SLC22A23: variants seen among roughly 807,000 people sequenced by gnomAD.
SLC22A23 encodes solute carrier family 22 member 23.
Under a neutral mutation model 61.0 loss-of-function variants are expected in SLC22A23, and 26 were observed. That is an observed-to-expected ratio of 0.43 (90% CI 0.31 to 0.59). SLC22A23 has a LOEUF of 0.59. Among genes scored for constraint, SLC22A23 ranks in the 20% least tolerant of loss-of-function variants. SLC22A23 has a pLI of 0.11. For synonymous variants in SLC22A23, 430 were observed against 413.9 expected, an observed-to-expected ratio of 1.04 and a Z score of -0.47; for missense variants, 796 against 934.7, an observed-to-expected ratio of 0.85 and a Z score of 1.94.
chr6:3,389,090 A>G (rs1482743739), intron 3 of SLC22A23, among the ~76,000 whole-genome samples: 1 of 151,878 alleles, frequency 6.6e-6, no homozygotes, highest in Non-Finnish European at 1.5e-5. Flanking sequence ...CAACATGGTG[A>G]AGCCCCATCT....
chr6:3,331,696 T>A (rs1430993738), intron 3 of SLC22A23, among the ~76,000 whole-genome samples: 1 of 152,256 alleles, frequency 6.6e-6, no homozygotes, highest in Non-Finnish European at 1.5e-5. Flanking sequence ...CAATCTCTTC[T>A]GTGTAAAAAC....
chr6:3,423,661 A>G (rs1770295191), intron 1 of SLC22A23, among the ~76,000 whole-genome samples: 1 of 152,244 alleles, frequency 6.6e-6, no homozygotes, highest in Admixed American at 6.5e-5. Flanking sequence ...AAAAGGGAGC[A>G]GCTATTAATG....
At chr6:3,396,979 C>A (rs1768051461) in intron 3 of SLC22A23, among the ~76,000 whole-genome samples, 1 of 152,202 alleles carries the variant, frequency 6.6e-6, no homozygotes, top group Non-Finnish European at 1.5e-5. Flanking sequence ...AGCTGCCTTC[C>A]GATGGCTAAA....
intron 3 of SLC22A23, among the ~76,000 whole-genome samples, chr6:3,393,988 A>T (rs548554399): frequency 6.6e-6 from 1 of 152,338 alleles, no homozygotes; most frequent in South Asian, 2.1e-4. Context: ...TCACAAGGTG[A>T]AAAGGAAAAA....
At position 3,297,488 on chromosome 6, in the gene SLC22A23, C is replaced by T. The variant is rs1167260152; in HGVS notation, c.1210+603G>A. ...CCCAAATCTAACAGGTCAGGATCTC[C>T]AGGTGCCAGGGAGAGGCCCAGGAAT... On this transcript the variant is annotated intron_variant, in intron 5 of 9. Coordinates refer to ENST00000406686, the MANE Select transcript of SLC22A23 (RefSeq NM_015482.2). The surrounding 1 kb of genome is among the most constrained non-coding windows in gnomAD (Gnocchi z 4.3). Among the ~76,000 whole-genome samples, 1 of 152,162 alleles carries T rather than the reference C, an allele frequency of 6.6e-6. No individual in the cohort carries two copies. The highest frequency in any genetic ancestry group is 1.9e-4 in the East Asian group (1 of 5,204).
rs574565186 is a variant in SLC22A23, at chr6:3,409,237, C to G, written c.913+951G>C. Among the ~76,000 whole-genome samples the G allele has an allele frequency of 4.6e-5, 7 of 152,324 alleles. No individual in the cohort carries two copies. The East Asian group carries it at 1.3e-3, about 29-fold the overall frequency. The stretch of plus-strand genomic sequence containing the variant: ...ACATTGATGACAAAACGGCCAACTA[C>G]GGATCTAGAAGAATATACCGGTAGC... On this transcript the variant is annotated intron_variant, in intron 3 of 9. Coordinates refer to ENST00000406686, the MANE Select transcript of SLC22A23 (RefSeq NM_015482.2).
chr6:3,302,889 A>G (rs1761715286), intron 4 of SLC22A23: 1 of 152,224 alleles, frequency 6.6e-6, no homozygotes, highest in Admixed American at 6.5e-5. Flanking sequence ...CCTTCTGCAC[A>G]GCAAAGGAAA....
At chr6:3,395,670 T>C (rs1431360464) in intron 3 of SLC22A23, among the ~76,000 whole-genome samples, 1 of 152,206 alleles carries the variant, frequency 6.6e-6, no homozygotes, top group East Asian at 1.9e-4. Flanking sequence ...GAGTATTCCA[T>C]GTCAGCCAAG....
chr6:3,420,321 G>A (rs1455703601), intron 1 of SLC22A23, among the ~76,000 whole-genome samples: 1 of 151,702 alleles, frequency 6.6e-6, no homozygotes, highest in African/African-American at 2.4e-5. Context: ...ATATTATTTT[G>A]AAAGGAATAA....
At position 3,297,331 on chromosome 6, in the gene SLC22A23, C is replaced by T. The variant is rs965417901; in HGVS notation, c.1210+760G>A. On this transcript the variant is annotated intron_variant, in intron 5 of 9. Transcript: ENST00000406686. This position sits in a 1 kb window ranked among gnomAD's most constrained non-coding sequence, Gnocchi z 4.3. ...GGAATTTTATAGCAACAATTTATCC[C>T]AGGTCTTCAGTGAGGGCAGTGAGTC... is the stretch of plus-strand genomic sequence containing the variant. Among the ~76,000 whole-genome samples, 2 of 152,154 alleles carry T rather than the reference C, an allele frequency of 1.3e-5. No individual in the cohort carries two copies. Among genetic ancestry groups the T allele is most frequent in the African/African-American group, 2.4e-5 (1 of 41,416 alleles).
chr6:3,388,994 G>A (rs1450010638), intron 3 of SLC22A23, among the ~76,000 whole-genome samples: 2 of 152,024 alleles, frequency 1.3e-5, no homozygotes, highest in African/African-American at 2.4e-5. Flanking sequence ...GGCTGCGGGC[G>A]TGGTGGCTCA....
chr6:3,275,501 A>G (rs1172015946), intron 9 of SLC22A23, among the ~76,000 whole-genome samples: 4 of 152,240 alleles, frequency 2.6e-5, no homozygotes, highest in African/African-American at 9.6e-5. Flanking sequence ...CTACCCTTCA[A>G]AAGATACATG....
At chr6:3,413,497 A>G (rs1156827228) in intron 2 of SLC22A23, among the ~76,000 whole-genome samples, 2 of 152,230 alleles carry the variant, frequency 1.3e-5, no homozygotes, top group Non-Finnish European at 2.9e-5. Flanking sequence ...AGTAACAAAC[A>G]CAGCGAAGAA....
intron 6 of SLC22A23, 98 bp from the exon 7 acceptor site, chr6:3,287,189 A>G: frequency 9.2e-7 from 1 of 1,092,050 alleles, no homozygotes; most frequent in Non-Finnish European, 1.3e-6. Context: ...CAGGAGATGA[A>G]GAAGCAACTC....
At chr6:3,412,091 C>T (rs17136529) in intron 2 of SLC22A23, among the ~76,000 whole-genome samples, 24,426 of 152,078 alleles carry the variant, frequency 0.16, 2,156 homozygotes, top group African/African-American at 0.23. Context: ...ACAGATGCAA[C>T]GCCTGGCGCA....
rs77531392 is a variant in SLC22A23 at position 3,447,344 on chromosome 6, G to T, written c.654+8562C>A. The stretch of plus-strand genomic sequence containing the variant: ...ACATAGACCAGTCTGTCTAGGTCAG[G>T]GTTTTGTTGTTGTTGTTCTAGTCTC... On this transcript the variant is annotated intron_variant, in intron 1 of 9. Transcript: ENST00000406686. Among the ~76,000 whole-genome samples the T allele has an allele frequency of 2.4e-3, 369 of 152,188 alleles. 3 individuals are homozygous for T. Among genetic ancestry groups the T allele is most frequent in the African/African-American group, 8.4e-3 (349 of 41,514 alleles).
chr6:3,436,524 G>A (rs894212731), intron 1 of SLC22A23, among the ~76,000 whole-genome samples: 1 of 152,096 alleles, frequency 6.6e-6, no homozygotes, highest in African/African-American at 2.4e-5. Context: ...CAAACTCTTC[G>A]CAGTCTTGTG....
intron 9 of SLC22A23, among the ~76,000 whole-genome samples, chr6:3,279,530 A>AAAAAAAAAAAAAAAAAAAAAAC (rs1759237037): frequency 6.7e-6 from 1 of 149,746 alleles, no homozygotes; most frequent in Non-Finnish European, 1.5e-5. Flanking sequence ...AAAAAAAAAA[A>AAAAAAAAAAAAAAAAAAAAAAC]AAAAAATCCT....
intron 3 of SLC22A23, among the ~76,000 whole-genome samples, chr6:3,358,776 A>T (rs767943686): frequency 2.6e-5 from 4 of 152,216 alleles, no homozygotes; most frequent in Admixed American, 2.6e-4. Flanking sequence ...AGGCCCCAGG[A>T]GAGTTTCTGT....
Sources: allele counts gnomAD v4.1 joint callset (sites outside exome capture counted in the v4.1 genomes callset), GRCh38; gene constraint gnomAD v4.1.1; non-coding constraint Gnocchi (gnomAD v3.1); transcripts MANE v1.5; gene names NCBI Gene and HGNC (gene_info 2026-07-23, HGNC 2026-07-21).